Variants in ZNF804B observed in about 807,000 individuals in gnomAD.
The protein encoded by ZNF804B is zinc finger protein 804B.
In ZNF804B, 80 loss-of-function variants were observed where a neutral mutation model predicts 101.4. That is an observed-to-expected ratio of 0.79 (90% confidence interval 0.66 to 0.95). The LOEUF is 0.95. Among genes scored for constraint, ZNF804B ranks in the 40% least tolerant of loss-of-function variants. The probability of loss-of-function intolerance (pLI) is 0.00; values close to 1 mark genes in which losing one functional copy is unlikely to be tolerated. For synonymous variants in ZNF804B, 622 were observed against 558.8 expected (o/e 1.11, Z -1.59); for missense variants, 1,673 against 1,561.9 (o/e 1.07, Z -1.20).
chr7:89,123,241 G>C (rs1790431172), intron 1 of ZNF804B, among the ~76,000 whole-genome samples: 1 of 151,358 alleles, frequency 6.6e-6, no homozygotes, highest in Non-Finnish European at 1.5e-5. Flanking sequence ...ATATTATTTT[G>C]AATAACCTAG....
At chr7:88,858,942 G>A (rs1271670158) in intron 1 of ZNF804B, among the ~76,000 whole-genome samples, 1 of 152,070 alleles carries the variant, frequency 6.6e-6, no homozygotes, top group African/African-American at 2.4e-5. Flanking sequence ...AACAGCTTGA[G>A]ATGGAAGATT....
intron 2 of ZNF804B, among the ~76,000 whole-genome samples, chr7:89,247,645 G>A (rs1473713505): frequency 6.6e-6 from 1 of 152,050 alleles, no homozygotes; most frequent in Non-Finnish European, 1.5e-5. Context: ...AAAATTAGAA[G>A]TCCTAGTCTC....
intron 2 of ZNF804B, among the ~76,000 whole-genome samples, chr7:89,305,870 A>G (rs1281006458): frequency 6.6e-6 from 1 of 151,978 alleles, no homozygotes; most frequent in Non-Finnish European, 1.5e-5. Context: ...AAAGATGTGT[A>G]CTTTTTATGG....
chr7:89,063,899 G>A (rs1789412875), intron 1 of ZNF804B, among the ~76,000 whole-genome samples: 1 of 152,154 alleles, frequency 6.6e-6, no homozygotes, highest in Admixed American at 6.5e-5. Flanking sequence ...CAGACAAAGT[G>A]CCCTCAGAAA....
intron 1 of ZNF804B, among the ~76,000 whole-genome samples, chr7:89,189,389 A>G (rs1788422935): frequency 6.6e-6 from 1 of 152,116 alleles, no homozygotes; most frequent in Admixed American, 6.6e-5. Context: ...ACAAAATATA[A>G]TTTTAGGTAG....
chr7:88,982,601 A>G (rs1793708008), intron 1 of ZNF804B, among the ~76,000 whole-genome samples: 1 of 151,988 alleles, frequency 6.6e-6, no homozygotes, highest in African/African-American at 2.4e-5. Context: ...TCCTTTTTAT[A>G]AGGACACCAG....
chr7:89,269,956 G>T (rs1327742702), intron 2 of ZNF804B, among the ~76,000 whole-genome samples: 1 of 152,024 alleles, frequency 6.6e-6, no homozygotes, highest in Non-Finnish European at 1.5e-5. Flanking sequence ...TGTAGATTCT[G>T]GATATTAGCC....
intron 1 of ZNF804B, among the ~76,000 whole-genome samples, chr7:88,947,317 A>G (rs1383752609): frequency 6.6e-6 from 1 of 152,042 alleles, no homozygotes; most frequent in Non-Finnish European, 1.5e-5. Flanking sequence ...TATATACAAC[A>G]TGGAATACCC....
At chr7:88,765,645 A>T (rs571616958) in intron 1 of ZNF804B, among the ~76,000 whole-genome samples, 27 of 152,332 alleles carry the variant, frequency 1.8e-4, no homozygotes, top group Admixed American at 6.5e-4. Context: ...AAATTGAAAT[A>T]AAAATGCTAC....
chr7:89,162,500 G>C (rs1791081494), intron 1 of ZNF804B, among the ~76,000 whole-genome samples: 1 of 151,706 alleles, frequency 6.6e-6, no homozygotes, highest in Non-Finnish European at 1.5e-5. Flanking sequence ...CCAATTGTTT[G>C]GGAAAATAAT....
In ZNF804B at chr7:89,309,708, C is replaced by T. The variant is rs59781771; in HGVS notation, c.250-17636C>T. Among the ~76,000 whole-genome samples, 506 of 130,862 alleles carry T rather than the reference C, an allele frequency of 3.9e-3. 3 individuals carry two copies. The highest frequency in any genetic ancestry group is 0.014 in the African/African-American group (483 of 34,178). The allele number at this position is 130,862 out of a possible 152,430, so 85.9% of individuals were successfully genotyped here. On this transcript the variant is annotated intron_variant, in intron 2 of 3. Coordinates refer to ENST00000333190, the MANE Select transcript of ZNF804B (RefSeq NM_181646.5). Reference sequence around the variant, plus strand: ...CATGCAGGCGGAGGTTACAATGAGCCGAGATTGTGCCACTGCACTCCAGCC... The same window carrying T: ...CATGCAGGCGGAGGTTACAATGAGCTGAGATTGTGCCACTGCACTCCAGCC...
intron 1 of ZNF804B, among the ~76,000 whole-genome samples, chr7:88,880,857 A>G (rs935829992): frequency 2.6e-5 from 4 of 152,096 alleles, no homozygotes; most frequent in Admixed American, 6.6e-5. Flanking sequence ...TACTGTTCTA[A>G]CATCTATTAC....
chr7:89,312,644 A>G (rs955581432), intron 2 of ZNF804B, among the ~76,000 whole-genome samples: 4 of 152,210 alleles, frequency 2.6e-5, no homozygotes, highest in Middle Eastern at 3.4e-3. Context: ...AGATCTTTTA[A>G]AAATACTTTA....
intron 1 of ZNF804B, among the ~76,000 whole-genome samples, chr7:89,208,974 T>C (rs534906239): frequency 2.3e-4 from 35 of 152,142 alleles, no homozygotes; most frequent in African/African-American, 8.4e-4. Context: ...ATCGCGCCAC[T>C]GCACTCCAGC....
intron 1 of ZNF804B, among the ~76,000 whole-genome samples, chr7:89,018,660 G>T (rs1415564567): frequency 6.6e-6 from 1 of 151,822 alleles, no homozygotes; most frequent in African/African-American, 2.4e-5. Flanking sequence ...AATGGTTTTT[G>T]TTATTGACTC....
At chr7:88,760,789 A>T (rs1444461000) in intron 1 of ZNF804B, among the ~76,000 whole-genome samples, 1 of 150,828 alleles carries the variant, frequency 6.6e-6, no homozygotes, top group Non-Finnish European at 1.5e-5. Context: ...TGAGTTAAAT[A>T]CATTATTAAT....
intron 1 of ZNF804B, among the ~76,000 whole-genome samples, chr7:88,924,956 A>G (rs1268358281): frequency 1.3e-5 from 2 of 152,192 alleles, no homozygotes; most frequent in Non-Finnish European, 2.9e-5. Context: ...TTAAAAATCT[A>G]AAAATCACTG....
intron 1 of ZNF804B, among the ~76,000 whole-genome samples, chr7:88,852,184 A>T (rs976085882): frequency 6.6e-6 from 1 of 152,090 alleles, no homozygotes; most frequent in Non-Finnish European, 1.5e-5. Flanking sequence ...TTGAAGCCTG[A>T]CACCCCAAGA....
At chr7:88,970,199 T>G (rs1029356357) in intron 1 of ZNF804B, among the ~76,000 whole-genome samples, 2 of 151,666 alleles carry the variant, frequency 1.3e-5, no homozygotes, top group African/African-American at 2.4e-5. Context: ...TTGTATTTTA[T>G]TTTATTTTGT....
Sources: gnomAD v4.1 joint callset for allele counts (sites outside exome capture counted in the v4.1 genomes callset) on GRCh38, gnomAD v4.1.1 for gene constraint, MANE v1.5 for transcripts, NCBI Gene and HGNC (gene_info 2026-07-23, HGNC 2026-07-21) for gene names.